NEDD4L: variants seen among roughly 807,000 people sequenced by gnomAD.
NEDD4L encodes the protein E3 ubiquitin-protein ligase NEDD4-like.
NEDD4L carries 54 observed loss-of-function variants against 148.9 expected under a neutral mutation model. The ratio of observed to expected loss-of-function variants is 0.36; its 90% confidence interval spans 0.29 to 0.45. The LOEUF (loss-of-function observed/expected upper bound fraction) is 0.45. Ranked by LOEUF, NEDD4L falls within the 20% of genes least tolerant of loss-of-function variation. The pLI is 1.00. For synonymous variants in NEDD4L, 433 were observed against 440.7 expected, an observed-to-expected ratio of 0.98 and a Z score of 0.22; for missense variants, 856 against 1,233.8, an observed-to-expected ratio of 0.69 and a Z score of 4.59.
Position 58,325,172 on chromosome 18 carries a change from G to A in NEDD4L, c.680+10G>A, listed in dbSNP as rs761686283. 1.3e-5 allele frequency: 21 copies of A among 1,613,206 alleles called. No homozygotes were observed. The highest frequency in any genetic ancestry group is 8.9e-5 in the East Asian group (4 of 44,890). On this transcript the variant is annotated intron_variant, in intron 9 of 30. Transcript: ENST00000400345. ...ACAGACCAAGCCTGATGTGAGTACC[G>A]TGTGATGGTCAGGAACACGTGCACG...
At chr18:58,165,222 GT>G (rs1472372840) in intron 1 of NEDD4L, among the ~76,000 whole-genome samples, 1 of 152,208 alleles carries the variant, frequency 6.6e-6, no homozygotes, top group Non-Finnish European at 1.5e-5. Context: ...CAAATGAACA[GT>G]TGATTGATTT....
chr18:58,097,996 T>G (rs1183731106), intron 1 of NEDD4L, among the ~76,000 whole-genome samples: 1 of 152,224 alleles, frequency 6.6e-6, no homozygotes, highest in Non-Finnish European at 1.5e-5. Context: ...GCCATTGCAC[T>G]GCAGCCTGCG....
At chr18:58,106,138 G>T (rs982535776) in intron 1 of NEDD4L, among the ~76,000 whole-genome samples, 2 of 152,208 alleles carry the variant, frequency 1.3e-5, no homozygotes, top group African/African-American at 4.8e-5. Flanking sequence ...ATGGTCCCCA[G>T]CTAGGCACAA....
Position 58,309,810 on chromosome 18 carries a change from C to A in NEDD4L, c.298-6172C>A, listed in dbSNP as rs73959605. ...TGTTCTTGAACCACTTCCACCCAAC[C>A]AGAGGGAGGTGGGGACATCAGGTAC... On this transcript the variant is annotated intron_variant, in intron 5 of 30. Transcript: ENST00000400345. Among the ~76,000 whole-genome samples the A allele has an allele frequency of 2.8e-3, 427 of 152,212 alleles. 3 individuals carry two copies. Among genetic ancestry groups the A allele is most frequent in the African/African-American group, 1.0e-2 (414 of 41,514 alleles).
At chr18:58,076,180 G>A (rs556491156) in intron 1 of NEDD4L, among the ~76,000 whole-genome samples, 2 of 152,258 alleles carry the variant, frequency 1.3e-5, no homozygotes, top group South Asian at 4.1e-4. Flanking sequence ...TAAATGAGAA[G>A]CCTACAAATA....
chr18:58,064,531 A>G (rs574514448), intron 1 of NEDD4L, among the ~76,000 whole-genome samples: 1 of 152,306 alleles, frequency 6.6e-6, no homozygotes, highest in African/African-American at 2.4e-5. Flanking sequence ...TGGTGGTAAC[A>G]TAACACCGTT....
chr18:58,248,154 A>G (rs1175869125), intron 3 of NEDD4L, among the ~76,000 whole-genome samples: 1 of 152,210 alleles, frequency 6.6e-6, no homozygotes, highest in African/African-American at 2.4e-5. Context: ...GTGCAGATGC[A>G]TGAACACACA....
Position 58,315,976 on chromosome 18 carries a change from T to C in NEDD4L, c.298-6T>C, listed in dbSNP as rs2058217634. 2 of 1,611,792 alleles carry C rather than the reference T, an allele frequency of 1.2e-6. No individual in the cohort carries two copies. Among genetic ancestry groups the C allele is most frequent in the Non-Finnish European group, 1.7e-6 (2 of 1,177,812 alleles). ...AAACACTAACTCTTTGTTCTCTTCC[T>C]AACAGACACGAGACGACTTCCTGGG... is the stretch of plus-strand genomic sequence containing the variant. On this transcript the variant is annotated splice_region_variant and splice_polypyrimidine_tract_variant and intron_variant, in intron 5 of 30. Coordinates refer to ENST00000400345, the MANE Select transcript of NEDD4L (RefSeq NM_001144967.3).
At chr18:58,045,226 TGGGGGAC>T (rs751088722) in intron 1 of NEDD4L, 81 of 398,094 alleles carry the variant, frequency 2.0e-4, no homozygotes, top group Non-Finnish European at 3.0e-4. Flanking sequence ...CCGGCGGGAA[TGGGGGAC>T]ACGCTGCGTG....
At chr18:58,245,041 G>C (rs2047092609) in intron 2 of NEDD4L, among the ~76,000 whole-genome samples, 1 of 152,156 alleles carries the variant, frequency 6.6e-6, no homozygotes, top group African/African-American at 2.4e-5. Context: ...TGGGTCACAT[G>C]AACAATGGCT....
At chr18:58,164,895 C>T (rs1473384458) in intron 1 of NEDD4L, among the ~76,000 whole-genome samples, 1 of 152,200 alleles carries the variant, frequency 6.6e-6, no homozygotes, top group Admixed American at 6.5e-5. Flanking sequence ...TTTAGTGATA[C>T]ATGTTTTCCA....
At chr18:58,081,991 A>C (rs907701085) in intron 1 of NEDD4L, among the ~76,000 whole-genome samples, 8 of 150,390 alleles carry the variant, frequency 5.3e-5, no homozygotes, top group Non-Finnish European at 1.2e-4. Flanking sequence ...TTTTGTTTGC[A>C]TTTTAAAAAG....
chr18:58,231,237 CAAAAAAA>C (rs67220469), intron 2 of NEDD4L, among the ~76,000 whole-genome samples: 14 of 90,152 alleles, frequency 1.6e-4, no homozygotes, highest in Admixed American at 2.4e-4. Flanking sequence ...GACCCTATCT[CAAAAAAA>C]AAAAAAAAAA....
chr18:58,077,096 C>G (rs2083204149), intron 1 of NEDD4L, among the ~76,000 whole-genome samples: 1 of 151,178 alleles, frequency 6.6e-6, no homozygotes. Flanking sequence ...GGTAATCTGC[C>G]CGCCTCAGCC....
chr18:58,362,859 A>G (rs1276834702), intron 19 of NEDD4L, among the ~76,000 whole-genome samples: 1 of 152,246 alleles, frequency 6.6e-6, no homozygotes, highest in Admixed American at 6.5e-5. Context: ...GGCTTATGTC[A>G]GAACATTGTA....
chr18:58,098,184 G>A (rs1282292281), intron 1 of NEDD4L, among the ~76,000 whole-genome samples: 1 of 152,168 alleles, frequency 6.6e-6, no homozygotes, highest in Admixed American at 6.5e-5. Flanking sequence ...CCTAAGGTCA[G>A]CTGAGCAGAG....
Position 58,398,837 on chromosome 18 carries a change from G to C in NEDD4L, c.*2568G>C, listed in dbSNP as rs2050657158. 6.6e-6 allele frequency: 1 copy of C among 152,264 alleles called. No homozygotes were observed. The highest frequency in any genetic ancestry group is 2.1e-4 in the South Asian group (1 of 4,836). The allele number at this position is 152,264 out of a possible 1,614,324, so 9.4% of individuals were successfully genotyped here. On this transcript the variant is annotated 3_prime_UTR_variant, in exon 31 of 31. Coordinates refer to ENST00000400345, the MANE Select transcript of NEDD4L (RefSeq NM_001144967.3). ...GGTGGCAGTAAAGAGAGTGTGCTGGGTAAGGAGCAGTTGCTGGGTCATTCC... is the reference window on the plus strand; with the variant it reads ...GGTGGCAGTAAAGAGAGTGTGCTGGCTAAGGAGCAGTTGCTGGGTCATTCC...
At chr18:58,140,912 A>G (rs1189300622) in intron 1 of NEDD4L, among the ~76,000 whole-genome samples, 1 of 152,216 alleles carries the variant, frequency 6.6e-6, no homozygotes, top group African/African-American at 2.4e-5. Flanking sequence ...TTATGCTCCG[A>G]TAACTATCAC....
At chr18:58,235,438 A>G (rs2045898643) in intron 2 of NEDD4L, among the ~76,000 whole-genome samples, 1 of 152,238 alleles carries the variant, frequency 6.6e-6, no homozygotes, top group African/African-American at 2.4e-5. Flanking sequence ...TCCCAGGAGC[A>G]TACGGTGACA....
Sources: gnomAD v4.1 joint callset for allele counts (sites outside exome capture counted in the v4.1 genomes callset) on GRCh38, gnomAD v4.1.1 for gene constraint, MANE v1.5 for transcripts, NCBI Gene and HGNC (gene_info 2026-07-23, HGNC 2026-07-21) for gene names.